Variants in MCCC1 observed in about 807,000 individuals in gnomAD.
MCCC1 encodes methylcrotonyl-CoA carboxylase subunit 1.
A neutral mutation model predicts 83.8 loss-of-function variants in MCCC1; 64 were observed. The ratio of observed to expected loss-of-function variants is 0.76; its 90% CI spans 0.62 to 0.94. The LOEUF is 0.94. Ranked by LOEUF, MCCC1 falls within the 40% of genes least tolerant of loss-of-function variation. The probability of loss-of-function intolerance (pLI) is 0.00; values close to 1 mark genes in which losing one functional copy is unlikely to be tolerated. For missense variants in MCCC1, 807 were observed against 904.7 expected, an observed-to-expected ratio of 0.89 and a Z score of 1.39; for synonymous variants, 322 against 315.4, an observed-to-expected ratio of 1.02 and a Z score of -0.22.
At position 183,099,476 on chromosome 3, in the gene MCCC1, A is replaced by G. The variant is rs1445272482; in HGVS notation, c.-36T>C. On this transcript the variant is annotated 5_prime_UTR_variant, in exon 1 of 19. Coordinates refer to ENST00000265594, the MANE Select transcript of MCCC1 (RefSeq NM_020166.5). ...CCCGGCCACTCCGTGACTCCCCAGTACAGAGGCAGCTGCGTCCCACACGCC... is the reference window on the plus strand; with the variant it reads ...CCCGGCCACTCCGTGACTCCCCAGTGCAGAGGCAGCTGCGTCCCACACGCC... 1.9e-6 allele frequency: 3 copies of G among 1,577,964 alleles called. No homozygotes were observed. The highest frequency in any genetic ancestry group is 2.6e-6 in the Non-Finnish European group (3 of 1,162,786).
At chr3:183,082,258 T>C (rs1006796974) in intron 4 of MCCC1, among the ~76,000 whole-genome samples, 2 of 152,214 alleles carry the variant, frequency 1.3e-5, no homozygotes, top group African/African-American at 4.8e-5. Flanking sequence ...ATTCAGTAAA[T>C]GACTTGCTAT....
chr3:183,046,163 T>G (rs550974402), intron 9 of MCCC1, among the ~76,000 whole-genome samples: 2 of 152,302 alleles, frequency 1.3e-5, no homozygotes, highest in East Asian at 3.9e-4. Context: ...ACAGAACATT[T>G]CCATCATCCA....
intron 1 of MCCC1, among the ~76,000 whole-genome samples, chr3:183,114,379 G>A (rs1028058994): frequency 4.0e-5 from 6 of 151,804 alleles, no homozygotes; most frequent in African/African-American, 1.2e-4. Context: ...GCCGTCTCTC[G>A]GTCGCTGGCT....
At chr3:183,049,770 G>C (rs1045141450) in intron 9 of MCCC1, among the ~76,000 whole-genome samples, 3 of 152,190 alleles carry the variant, frequency 2.0e-5, no homozygotes, top group Middle Eastern at 3.4e-3. Flanking sequence ...TGATAACCTA[G>C]ATGAAATGAA....
At chr3:183,079,223 C>T (rs1313643186) in intron 4 of MCCC1, among the ~76,000 whole-genome samples, 14 of 152,188 alleles carry the variant, frequency 9.2e-5, no homozygotes, top group Non-Finnish European at 5.9e-5. Flanking sequence ...TTAGCATTAA[C>T]TCAAAAGTCC....
At chr3:183,102,191 C>T (rs938603896), upstream of MCCC1, among the ~76,000 whole-genome samples, 3 of 152,092 alleles carry the variant, frequency 2.0e-5, no homozygotes, top group African/African-American at 4.8e-5. Flanking sequence ...TAGTGAGACC[C>T]GCATCTGCAC....
chr3:183,108,087 CT>C (rs1719435523), intron 1 of MCCC1, among the ~76,000 whole-genome samples: 1 of 152,100 alleles, frequency 6.6e-6, no homozygotes. Flanking sequence ...GCTGCATAAG[CT>C]TGTTTGTATT....
chr3:183,034,085 A>G lies in MCCC1; in HGVS notation c.1595-8T>C. ...AAAATGGAGAGAATTGATCTAGAAA[A>G]AATTTAAAATTCAGTAACAAACTTA... On this transcript the variant is annotated splice_region_variant and splice_polypyrimidine_tract_variant and intron_variant, in intron 13 of 18. Coordinates refer to ENST00000265594, the MANE Select transcript of MCCC1 (RefSeq NM_020166.5). The G allele has an allele frequency of 1.3e-6, 2 of 1,586,664 alleles. No homozygotes were observed. The highest frequency in any genetic ancestry group is 1.7e-6 in the Non-Finnish European group (2 of 1,156,812).
rs367594869 is a variant in MCCC1 at position 183,115,857 on chromosome 3, T to TA, written c.-486dup. Reference sequence around the variant, plus strand: ...ACAAGAGCAAAACTCCATCTCAAATTAAAAAAAAAAAGTCCTAAATGTGAT... The same window carrying TA: ...ACAAGAGCAAAACTCCATCTCAAATTAAAAAAAAAAAAGTCCTAAATGTGAT... On this transcript the variant is annotated 5_prime_UTR_variant, in exon 1 of 18. Transcript: ENST00000492597. The TA allele has an allele frequency of 6.9e-3, 1,007 of 145,220 alleles. 10 individuals carry two copies. Among genetic ancestry groups the TA allele is most frequent in the African/African-American group, 0.022 (880 of 39,770 alleles). 9.0% of individuals were successfully genotyped at this position (145,220 alleles called of 1,614,324 possible).
At chr3:183,051,674 GATA>G (rs751631444) in intron 9 of MCCC1, among the ~76,000 whole-genome samples, 1 of 151,920 alleles carries the variant, frequency 6.6e-6, no homozygotes, top group African/African-American at 2.4e-5. Context: ...GGACTTGGGT[GATA>G]ATGATGTGTC....
At position 183,027,544 on chromosome 3, in the gene MCCC1, A is replaced by AGTG. The variant is rs542219401; in HGVS notation, c.1682-1743_1682-1741dup. ...AAGGTGAAATAGCTGGGCTGGGAGC[A>AGTG]GTGACTCACGCCTGTAATCCCAGTG... On this transcript the variant is annotated intron_variant, in intron 14 of 18. Coordinates refer to ENST00000265594, the MANE Select transcript of MCCC1 (RefSeq NM_020166.5). Among the ~76,000 whole-genome samples, 15 of 152,332 alleles carry AGTG rather than the reference A, an allele frequency of 9.8e-5. No individual in the cohort carries two copies. The East Asian group carries it at 2.7e-3, about 27-fold the overall frequency.
intron 14 of MCCC1, among the ~76,000 whole-genome samples, chr3:183,030,089 C>A (rs1463452307): frequency 6.6e-6 from 1 of 152,138 alleles, no homozygotes; most frequent in African/African-American, 2.4e-5. Flanking sequence ...GGGCGGATAG[C>A]CTGAGGTCAG....
At chr3:183,067,702 T>C (rs1716355955) in intron 7 of MCCC1, among the ~76,000 whole-genome samples, 1 of 152,186 alleles carries the variant, frequency 6.6e-6, no homozygotes. Context: ...AATATTCTAA[T>C]CCTGGGCATG....
chr3:183,099,586 G>C (rs1032836342), upstream of MCCC1: 1 of 915,772 alleles, frequency 1.1e-6, no homozygotes, highest in Non-Finnish European at 1.7e-6. Context: ...ATCCAAGAAT[G>C]TGAGGGCGTC....
At chr3:183,055,327 T>C (rs2108502641) in intron 8 of MCCC1, among the ~76,000 whole-genome samples, 1 of 152,006 alleles carries the variant, frequency 6.6e-6, no homozygotes, top group Non-Finnish European at 1.5e-5. Flanking sequence ...ACAGAACTGC[T>C]TAAACCCGCG....
At chr3:183,069,297 T>C (rs906811423) in intron 7 of MCCC1, among the ~76,000 whole-genome samples, 2 of 152,232 alleles carry the variant, frequency 1.3e-5, no homozygotes, top group African/African-American at 4.8e-5. Context: ...AGAACTTACA[T>C]ATTCAAAAAA....
chr3:183,053,165 A>G (rs1715120248), intron 8 of MCCC1, among the ~76,000 whole-genome samples: 1 of 152,160 alleles, frequency 6.6e-6, no homozygotes, highest in Non-Finnish European at 1.5e-5. Flanking sequence ...CATTTTTAAC[A>G]GAAAAGGTTA....
chr3:183,090,940 G>A (rs115946488), intron 3 of MCCC1: 80 of 455,786 alleles, frequency 1.8e-4, no homozygotes, highest in Non-Finnish European at 3.2e-4. Flanking sequence ...ACTGACCTTC[G>A]ATGGGAAAGA....
chr3:183,115,499 G>A (rs1250147338), exon 1 of MCCC1: 1 of 152,212 alleles, frequency 6.6e-6, no homozygotes, highest in Non-Finnish European at 1.5e-5. Context: ...CCGTGCCAGC[G>A]GATTCTTGCC....
Sources: gnomAD v4.1 joint callset for allele counts (sites outside exome capture counted in the v4.1 genomes callset) on GRCh38, gnomAD v4.1.1 for gene constraint, MANE v1.5 for transcripts, NCBI Gene and HGNC (gene_info 2026-07-23, HGNC 2026-07-21) for gene names.